QSER1: variants seen among roughly 807,000 people sequenced by gnomAD.
QSER1 encodes glutamine and serine rich 1.
In QSER1, 49 loss-of-function variants were observed where a neutral mutation model predicts 158.5. The observed-to-expected ratio is 0.31, with a 90% CI of 0.25 to 0.39. QSER1 has a LOEUF of 0.39. Among genes scored for constraint, QSER1 ranks in the 10% least tolerant of loss-of-function variants. The probability of loss-of-function intolerance (pLI) is 1.00; values close to 1 mark genes in which losing one functional copy is unlikely to be tolerated. For missense variants in QSER1, 1,754 were observed against 2,010.3 expected (o/e 0.87, Z 2.44); for synonymous variants, 650 against 715.5 (o/e 0.91, Z 1.46).
chr11:32,894,343 A>C (rs1035997808), intron 1 of QSER1, among the ~76,000 whole-genome samples: 12 of 152,138 alleles, frequency 7.9e-5, no homozygotes, highest in Admixed American at 3.3e-4. Context: ...GGGGTGTTTT[A>C]AAGCCACCTC....
chr11:32,973,934 T>C (rs1852920345), intron 11 of QSER1, among the ~76,000 whole-genome samples: 1 of 152,240 alleles, frequency 6.6e-6, no homozygotes, highest in East Asian at 1.9e-4. Context: ...TTACTTGTAA[T>C]ATAGGTATAT....
In QSER1 at chr11:32,947,232, A is replaced by T. The variant is rs571118907; in HGVS notation, c.4178-6625A>T. 1.6e-3 allele frequency among the ~76,000 whole-genome samples: 236 copies of T among 152,252 alleles called. 1 individual carries two copies. The highest frequency in any genetic ancestry group is 5.4e-3 in the Admixed American group (82 of 15,304). On this transcript the variant is annotated intron_variant, in intron 4 of 12. Coordinates refer to ENST00000650167, the MANE Select transcript of QSER1 (RefSeq NM_001076786.3). Reference sequence around the variant, plus strand: ...GGAGCTGTAGACCGGAGCTGTTCCTATTCGGCCATCTTGGCTCCTCCCCCT... The same window carrying T: ...GGAGCTGTAGACCGGAGCTGTTCCTTTTCGGCCATCTTGGCTCCTCCCCCT...
At chr11:32,944,468 T>C (rs1439793532) in intron 4 of QSER1, among the ~76,000 whole-genome samples, 1 of 151,900 alleles carries the variant, frequency 6.6e-6, no homozygotes, top group African/African-American at 2.4e-5. Context: ...AGAACGTCTT[T>C]ATTTCTGCCT....
chr11:32,956,310 C>T (rs1052003558), intron 7 of QSER1, among the ~76,000 whole-genome samples, 189 bp downstream of exon 7: 6 of 152,010 alleles, frequency 3.9e-5, no homozygotes, highest in Non-Finnish European at 7.4e-5. Context: ...TCATGGCTAT[C>T]TGTGGTGGGT....
At chr11:32,920,013 C>CTA (rs1851881176) in intron 1 of QSER1, among the ~76,000 whole-genome samples, 2 of 152,090 alleles carry the variant, frequency 1.3e-5, no homozygotes, top group African/African-American at 4.8e-5. Context: ...ACAAGATACT[C>CTA]TAGACTCATC....
Position 32,893,346 on chromosome 11 carries a change from G to C in QSER1, c.209+12G>C, listed in dbSNP as rs1851509557. On this transcript the variant is annotated intron_variant, in intron 1 of 12. Coordinates refer to ENST00000650167, the MANE Select transcript of QSER1 (RefSeq NM_001076786.3). This position sits in a 1 kb window ranked among gnomAD's most constrained non-coding sequence, Gnocchi z 4.7. Reference sequence around the variant, plus strand: ...AGCCTCAAGGCCAGGTAGGGAGGGTGGGCGGCGGGGTCGCGGTGGACCAGG... The same window carrying C: ...AGCCTCAAGGCCAGGTAGGGAGGGTCGGCGGCGGGGTCGCGGTGGACCAGG... 1 of 152,716 alleles carries C rather than the reference G, an allele frequency of 6.5e-6. No homozygotes were observed. Among genetic ancestry groups the C allele is most frequent in the South Asian group, 1.9e-4 (1 of 5,378 alleles). 9.5% of individuals were successfully genotyped at this position (152,716 alleles called of 1,614,324 possible). A position where few individuals can be genotyped will look rare whatever the true frequency, so the allele number is the denominator to read the frequency against.
Position 32,935,214 on chromosome 11 carries a change from C to G in QSER1, c.3956C>G (p.Pro1319Arg), listed in dbSNP as rs776852137. 3.1e-6 allele frequency: 5 copies of G among 1,613,786 alleles called. No individual in the cohort carries two copies. The Admixed American group carries it at 6.7e-5, about 22-fold the overall frequency. ...CAGATGGTTCGTACATTTTGTCCCC[C>G]ACCACTTCCCAAGCCTTCATCTACA... Reference protein sequence around the residue: ...GTQMVRTFCPPPLPKPSSTTP... With the variant: ...GTQMVRTFCPRPLPKPSSTTP... The change falls in exon 4 of 13, where the codon CCA (proline) becomes CGA (arginine). Residue 1319 changes from proline (P) to arginine (R), a missense_variant. Physicochemically the swap from Pro to Arg is moderately radical, Grantham distance 103. Coordinates refer to ENST00000650167, the MANE Select transcript of QSER1 (RefSeq NM_001076786.3).
intron 11 of QSER1, 52 bp downstream of exon 11, chr11:32,973,601 A>G: frequency 6.8e-7 from 1 of 1,480,978 alleles, no homozygotes. Context: ...TTGTTAATAC[A>G]ATTCCTACTT....
At chr11:32,907,906 C>T (rs1179306570) in intron 1 of QSER1, among the ~76,000 whole-genome samples, 6 of 152,146 alleles carry the variant, frequency 3.9e-5, no homozygotes, top group Non-Finnish European at 8.8e-5. Flanking sequence ...ATGAGACCAG[C>T]TTGGGCAACA....
chr11:32,929,452 G>C (rs899524083), intron 3 of QSER1, among the ~76,000 whole-genome samples: 9 of 152,126 alleles, frequency 5.9e-5, no homozygotes, highest in Admixed American at 5.9e-4. Context: ...ATTGCATTCA[G>C]AAGGGCTTGG....
Position 32,941,171 on chromosome 11 carries a change from A to C in QSER1, c.4177+5736A>C, listed in dbSNP as rs143949906. Among the ~76,000 whole-genome samples, 332 of 151,170 alleles carry C rather than the reference A, an allele frequency of 2.2e-3. 2 individuals carry two copies. The highest frequency in any genetic ancestry group is 7.4e-3 in the African/African-American group (305 of 41,394). On this transcript the variant is annotated intron_variant, in intron 4 of 12. Transcript: ENST00000650167. ...CTTTTTAGCCCAGGATTTATGAAGA[A>C]TGGTCAGGGGTTCTTTGTCTGTTTC... is the stretch of plus-strand genomic sequence containing the variant.
rs372918831 is a variant in QSER1 at position 32,931,780 on chromosome 11, T to C, written c.522T>C (p.Thr174=). ...HSSAATELFA[T]GPLPSTGTLP... Reference sequence around the variant, plus strand: ...CAGCAGCAACTGAGCTGTTTGCTACTGGACCTTTGCCAAGCACTGGAACAC... The same window carrying C: ...CAGCAGCAACTGAGCTGTTTGCTACCGGACCTTTGCCAAGCACTGGAACAC... The change falls in exon 4 of 13, where the codon ACT becomes ACC. Residue 174 remains threonine, a synonymous_variant. Coordinates refer to ENST00000650167, the MANE Select transcript of QSER1 (RefSeq NM_001076786.3). 13 of 1,612,506 alleles carry C rather than the reference T, an allele frequency of 8.1e-6. No homozygotes were observed. In the African/African-American group the frequency reaches 1.6e-4, roughly 20 times the overall value.
chr11:32,911,566 G>A (rs1851767489), intron 1 of QSER1, among the ~76,000 whole-genome samples: 1 of 152,144 alleles, frequency 6.6e-6, no homozygotes, highest in Non-Finnish European at 1.5e-5. Flanking sequence ...AGACCTTGAT[G>A]TGGAAGGTAA....
At chr11:32,963,649 C>A (rs1221495414) in intron 8 of QSER1, among the ~76,000 whole-genome samples, 3 of 150,448 alleles carry the variant, frequency 2.0e-5, no homozygotes, top group Non-Finnish European at 4.4e-5. Context: ...CCGCATCCAG[C>A]CTTGCCCAGG....
At chr11:32,904,734 C>T (rs1851670620) in intron 1 of QSER1, among the ~76,000 whole-genome samples, 1 of 151,662 alleles carries the variant, frequency 6.6e-6, no homozygotes, top group Non-Finnish European at 1.5e-5. Flanking sequence ...TGTGCCAGGA[C>T]CACTTTTCCC....
rs1851914858 is a variant in QSER1, at chr11:32,922,729, C to T, written c.210-4428C>T. On this transcript the variant is annotated intron_variant, in intron 1 of 12. Transcript: ENST00000650167. ...TGAACTCCTGACTTCAAGCGATCCA[C>T]CCACCTCAGCCTCACAAAGTGCTGG... Among the ~76,000 whole-genome samples the T allele has an allele frequency of 2.0e-5, 3 of 152,090 alleles. No homozygotes were observed. The South Asian group carries it at 6.2e-4, about 32-fold the overall frequency.
rs1378379773 is a variant in QSER1, at chr11:32,979,848, C to T, written c.*3374C>T. On this transcript the variant is annotated 3_prime_UTR_variant, in exon 13 of 13. Transcript: ENST00000650167. Reference sequence around the variant, plus strand: ...ATTGAAGCAGCTTTCTCAAATGTTGCTTCAGATGTGCAAGTTGCAAATTTT... The same window carrying T: ...ATTGAAGCAGCTTTCTCAAATGTTGTTTCAGATGTGCAAGTTGCAAATTTT... 5 of 152,136 alleles carry T rather than the reference C, an allele frequency of 3.3e-5. No individual in the cohort carries two copies. The highest frequency in any genetic ancestry group is 7.4e-5 in the Non-Finnish European group (5 of 68,006). The allele number at this position is 152,136 out of a possible 1,614,324, so 9.4% of individuals were successfully genotyped here. A position where few individuals can be genotyped will look rare whatever the true frequency, so the allele number is the denominator to read the frequency against.
At chr11:32,972,012 G>A (rs1340772416) in intron 10 of QSER1, among the ~76,000 whole-genome samples, 4 of 149,516 alleles carry the variant, frequency 2.7e-5, no homozygotes, top group South Asian at 2.1e-4. Context: ...GCAGTGAGCC[G>A]AGATCACGCC....
intron 1 of QSER1, among the ~76,000 whole-genome samples, chr11:32,919,940 T>G (rs760766044): frequency 7.2e-5 from 11 of 152,350 alleles, no homozygotes; most frequent in Non-Finnish European, 1.3e-4. Context: ...TAAATGTCTT[T>G]TCTTTTTTTC....
Sources: gnomAD v4.1 joint callset for allele counts (sites outside exome capture counted in the v4.1 genomes callset) on GRCh38, gnomAD v4.1.1 for gene constraint, Gnocchi (gnomAD v3.1) non-coding constraint, MANE v1.5 for transcripts, NCBI Gene and HGNC (gene_info 2026-07-23, HGNC 2026-07-21) for gene names.